SLC30A5: variants seen among roughly 807,000 people sequenced by gnomAD.
SLC30A5 encodes the protein proton-coupled zinc antiporter SLC30A5.
Under a neutral mutation model 79.6 loss-of-function variants are expected in SLC30A5, and 33 were observed. The observed-to-expected ratio is 0.41, with a 90% CI of 0.31 to 0.55. The LOEUF (loss-of-function observed/expected upper bound fraction) is 0.55. Ranked by LOEUF, SLC30A5 falls within the 20% of genes least tolerant of loss-of-function variation. The pLI is 0.20. For synonymous variants in SLC30A5, 299 were observed against 319.7 expected, an observed-to-expected ratio of 0.94 and a Z score of 0.69; for missense variants, 788 against 928.1, an observed-to-expected ratio of 0.85 and a Z score of 1.96.
In SLC30A5 at chr5:69,110,673, C is replaced by G. The variant is rs914146900; in HGVS notation, c.447+2237C>G. Among the ~76,000 whole-genome samples, 14 of 152,302 alleles carry G rather than the reference C, an allele frequency of 9.2e-5. No homozygotes were observed. The East Asian group carries it at 2.5e-3, about 27-fold the overall frequency. ...TGGAAAAAATCACAAAGGGAAAACT[C>G]ACTATATTTGGCTTCATAATGATTA... is the stretch of plus-strand genomic sequence containing the variant. On this transcript the variant is annotated intron_variant, in intron 5 of 15. Transcript: ENST00000396591.
At chr5:69,123,522 C>T (rs1307965951) in intron 14 of SLC30A5, 97 bp downstream of exon 14, 1 of 879,798 alleles carries the variant, frequency 1.1e-6, no homozygotes, top group Non-Finnish European at 1.8e-6. Context: ...AATAATAAAA[C>T]AAAACGAGGC....
At chr5:69,096,033 C>A (rs1745719836) in intron 1 of SLC30A5, among the ~76,000 whole-genome samples, 1 of 152,152 alleles carries the variant, frequency 6.6e-6, no homozygotes, top group Non-Finnish European at 1.5e-5. Context: ...CGCACCACTG[C>A]ACTCCAGCCT....
chr5:69,108,414 G>A lies in SLC30A5; in HGVS notation c.425G>A (p.Ser142Asn). Reference sequence around the variant, plus strand: ...TCACTACTCAGTGTTTTGTTCACCAGTTCTGGAGGAGGACCAGCAAAGGTA... The same window carrying A: ...TCACTACTCAGTGTTTTGTTCACCAATTCTGGAGGAGGACCAGCAAAGGTA... ...VISLLSVLFT[S>N]SGGGPAKTRG... is the part of the protein sequence containing the mutation. Residue 142 changes from serine to asparagine, a missense_variant, in exon 5 of 16, where the codon AGT becomes AAT. Ser to Asn is a conservative substitution (Grantham distance 46, BLOSUM62 1). Around this residue, in one of 3 missense-constraint regions of SLC30A5, gnomAD observed 626 missense variants for 755.5 expected, o/e 0.83. Transcript: ENST00000396591. 3.1e-6 allele frequency: 5 copies of A among 1,613,542 alleles called. No individual in the cohort carries two copies. The highest frequency in any genetic ancestry group is 3.4e-6 in the Non-Finnish European group (4 of 1,179,596).
chr5:69,110,125 A>T (rs138047012), intron 5 of SLC30A5, among the ~76,000 whole-genome samples: 30 of 152,228 alleles, frequency 2.0e-4, no homozygotes, highest in Admixed American at 5.9e-4. Flanking sequence ...ACTCCTCTAC[A>T]CTCCCTTGTA....
In SLC30A5 at chr5:69,116,228, C is replaced by A. The variant is rs368072849; in HGVS notation, c.1072+14C>A. The A allele has an allele frequency of 6.4e-7, 1 of 1,554,652 alleles. No individual in the cohort carries two copies. Among genetic ancestry groups the A allele is most frequent in the Non-Finnish European group, 8.7e-7 (1 of 1,154,914 alleles). Reference sequence around the variant, plus strand: ...TCTTCATTTTGTGTAAGCATTCCCCCCTTTTTTTTATTTTAACAAATTTCT... The same window carrying A: ...TCTTCATTTTGTGTAAGCATTCCCCACTTTTTTTTATTTTAACAAATTTCT... On this transcript the variant is annotated intron_variant, in intron 9 of 15. Transcript: ENST00000396591. The surrounding 1 kb of genome is among the most constrained non-coding windows in gnomAD (Gnocchi z 4.0).
rs1481540855 is a variant in SLC30A5, at chr5:69,128,027, A to C, written c.2022A>C (p.Ile674=). 6.2e-7 allele frequency: 1 copy of C among 1,611,542 alleles called. No homozygotes were observed. Among genetic ancestry groups the C allele is most frequent in the Admixed American group, 1.7e-5 (1 of 59,936 alleles). The change falls in exon 15 of 16, where the codon ATA becomes ATC. Residue 674 remains isoleucine, a synonymous_variant. Transcript: ENST00000396591. ...LEKIQKIEGL[I]SYRDPHFWRH... is the part of the protein sequence containing the mutation. ...AGATACAGAAAATTGAAGGATTAAT[A>C]TCATACCGAGACCCTCATTTTTGGC...
rs540414779 is a variant in SLC30A5, at chr5:69,110,895, TA to T, written c.448-2236del. On this transcript the variant is annotated intron_variant, in intron 5 of 15. Transcript: ENST00000396591. ...GAAATAAAAATGACTTGAAAACATT[TA>T]AAAAAAAAGTTTTCCTCCTTAAGTA... Among the ~76,000 whole-genome samples, 15 of 150,808 alleles carry T rather than the reference TA, an allele frequency of 9.9e-5. No individual in the cohort carries two copies. The South Asian group carries it at 2.3e-3, about 23-fold the overall frequency.
intron 3 of SLC30A5, among the ~76,000 whole-genome samples, chr5:69,103,802 C>T (rs1264429710): frequency 2.0e-5 from 3 of 152,168 alleles, no homozygotes; most frequent in Non-Finnish European, 4.4e-5. Flanking sequence ...AGCAGTTATA[C>T]CATAGTACAT....
At chr5:69,100,674 C>A in intron 1 of SLC30A5, 133 bp from the exon 2 acceptor site, 2 of 590,482 alleles carry the variant, frequency 3.4e-6, no homozygotes, top group Non-Finnish European at 5.6e-6. Flanking sequence ...TGTTTGGGGA[C>A]TCTGTTTTGT....
In SLC30A5 at chr5:69,123,437, A is replaced by G. The variant is rs1217755931; in HGVS notation, c.1998+12A>G. Reference sequence around the variant, plus strand: ...TTGCTTTAGAAAAGGTACTGTATGTAATTTCTTCACTACTTTCTTCCTTGA... The same window carrying G: ...TTGCTTTAGAAAAGGTACTGTATGTGATTTCTTCACTACTTTCTTCCTTGA... On this transcript the variant is annotated intron_variant, in intron 14 of 15. Transcript: ENST00000396591. The G allele has an allele frequency of 6.3e-7, 1 of 1,586,626 alleles. No homozygotes were observed. Among genetic ancestry groups the G allele is most frequent in the Non-Finnish European group, 8.6e-7 (1 of 1,156,172 alleles).
At chr5:69,101,187 T>C (rs1167319557) in intron 2 of SLC30A5, among the ~76,000 whole-genome samples, 1 of 151,882 alleles carries the variant, frequency 6.6e-6, no homozygotes, top group Non-Finnish European at 1.5e-5. Flanking sequence ...TTTGGGCTAT[T>C]TATTATTATT....
intron 4 of SLC30A5, among the ~76,000 whole-genome samples, chr5:69,107,825 C>T (rs746615439): frequency 9.2e-5 from 14 of 151,944 alleles, no homozygotes; most frequent in African/African-American, 3.1e-4. Context: ...CTCCACCTCC[C>T]GAGTTCAAGT....
chr5:69,103,777 G>A (rs338668), intron 3 of SLC30A5, among the ~76,000 whole-genome samples: 79,899 of 151,956 alleles, frequency 0.53, 21,451 homozygotes, highest in African/African-American at 0.64. Context: ...ATCTCACATC[G>A]TCACTTCTTT....
intron 15 of SLC30A5, 123 bp downstream of exon 15, chr5:69,128,255 T>TTG: frequency 1.5e-6 from 1 of 668,186 alleles, no homozygotes; most frequent in East Asian, 4.1e-5. Context: ...CAACTCTTTT[T>TTG]TTTTTTTTTT....
At chr5:69,108,821 CAAAAAAA>C (rs5868569) in intron 5 of SLC30A5, among the ~76,000 whole-genome samples, 1 of 99,094 alleles carries the variant, frequency 1.0e-5, no homozygotes. Context: ...GACTCAGCCT[CAAAAAAA>C]AAAAAAAAAA....
At chr5:69,125,803 G>A (rs1746666026) in intron 14 of SLC30A5, among the ~76,000 whole-genome samples, 2 of 79,332 alleles carry the variant, frequency 2.5e-5, no homozygotes, top group South Asian at 8.3e-4. Flanking sequence ...CCTGGGAGGC[G>A]GAGCTTGCAG....
intron 8 of SLC30A5, 146 bp from the exon 9 acceptor site, chr5:69,115,780 A>G: frequency 1.4e-6 from 1 of 737,784 alleles, no homozygotes; most frequent in East Asian, 2.7e-5. Context: ...AAATGTACCA[A>G]TATCTTATAG....
At chr5:69,115,493 T>TTA (rs1249520528) in intron 8 of SLC30A5, 86 bp downstream of exon 8, 2 of 1,097,312 alleles carry the variant, frequency 1.8e-6, no homozygotes. Context: ...ATTCAATAAA[T>TTA]TATATTTTAA....
chr5:69,125,578 G>GT lies in SLC30A5; in HGVS notation c.1998+2154dup, dbSNP rs541649648. Among the ~76,000 whole-genome samples the GT allele has an allele frequency of 1.0e-3, 153 of 151,210 alleles. 3 individuals are homozygous for GT. The East Asian group carries it at 0.023, about 23-fold the overall frequency. The stretch of plus-strand genomic sequence containing the variant: ...AGGCCTGGCACGGTGGCTCAGGCCT[G>GT]TAATCCCAGCACTTTGGGAGGCCAA... On this transcript the variant is annotated intron_variant, in intron 14 of 15. Transcript: ENST00000396591.
Sources: gnomAD v4.1 joint callset for allele counts (sites outside exome capture counted in the v4.1 genomes callset) on GRCh38, gnomAD v4.1.1 for gene constraint, gnomAD v4.1.1 regional missense constraint, Gnocchi (gnomAD v3.1) non-coding constraint, MANE v1.5 for transcripts, NCBI Gene and HGNC (gene_info 2026-07-23, HGNC 2026-07-21) for gene names.